Variants in EPHA6 observed in about 807,000 individuals in gnomAD.
The protein encoded by EPHA6 is ephrin type-A receptor 6.
Under a neutral mutation model 112.0 loss-of-function variants are expected in EPHA6, and 50 were observed. The ratio of observed to expected loss-of-function variants is 0.45; its 90% CI spans 0.36 to 0.56. The LOEUF (loss-of-function observed/expected upper bound fraction) is 0.56. Ranked by LOEUF, EPHA6 falls within the 20% of genes least tolerant of loss-of-function variation. The pLI, the probability that EPHA6 is intolerant of heterozygous loss-of-function variation, is 0.00. For missense variants in EPHA6, 1,280 were observed against 1,417.4 expected (o/e 0.90, Z 1.56); for synonymous variants, 529 against 490.7 (o/e 1.08, Z -1.03).
At chr3:96,888,942 C>A (rs1243868941) in intron 2 of EPHA6, among the ~76,000 whole-genome samples, 1 of 152,088 alleles carries the variant, frequency 6.6e-6, no homozygotes, top group Non-Finnish European at 1.5e-5. Flanking sequence ...TTAACAGCAC[C>A]CAAGTCACAT....
intron 5 of EPHA6, among the ~76,000 whole-genome samples, chr3:97,319,683 AAAAAC>A (rs1183014728): frequency 1.3e-5 from 2 of 150,946 alleles, no homozygotes; most frequent in Non-Finnish European, 2.9e-5. Flanking sequence ...AAAAAAAACA[AAAAAC>A]AAAAAAAAAA....
intron 15 of EPHA6, 57 bp from the exon 16 acceptor site, chr3:97,735,868 T>C: frequency 4.6e-6 from 6 of 1,301,288 alleles, no homozygotes; most frequent in Middle Eastern, 2.0e-4. Context: ...AAAGAAATTA[T>C]AGCATATGTA....
At chr3:97,724,979 C>CT (rs1212905364) in intron 15 of EPHA6, among the ~76,000 whole-genome samples, 1 of 151,968 alleles carries the variant, frequency 6.6e-6, no homozygotes, top group East Asian at 1.9e-4. Context: ...GCCAAGAAAG[C>CT]TTGCAGGCCC....
chr3:97,643,307 G>A (rs1324366717), intron 14 of EPHA6, among the ~76,000 whole-genome samples: 1 of 151,800 alleles, frequency 6.6e-6, no homozygotes. Flanking sequence ...AACATGGAAA[G>A]GAACAACCGG....
rs528993795 is a variant in EPHA6, at chr3:97,608,192, C to T, written c.2513-2601C>T. Among the ~76,000 whole-genome samples the T allele has an allele frequency of 4.2e-4, 63 of 151,198 alleles. 1 individual carries two copies. The highest frequency in any genetic ancestry group is 1.7e-3 in the South Asian group (8 of 4,808). On this transcript the variant is annotated intron_variant, in intron 12 of 17. Transcript: ENST00000389672. Reference sequence around the variant, plus strand: ...GTTCAAATGTGAAACTTCTAATTCACAGGAAACCAGGGAAGCCTTCATTTG... The same window carrying T: ...GTTCAAATGTGAAACTTCTAATTCATAGGAAACCAGGGAAGCCTTCATTTG...
intron 5 of EPHA6, among the ~76,000 whole-genome samples, chr3:97,350,483 G>A (rs1403331712): frequency 6.6e-6 from 1 of 151,922 alleles, no homozygotes; most frequent in Non-Finnish European, 1.5e-5. Flanking sequence ...GAATATTGTG[G>A]GAAGTCCACA....
At chr3:97,728,193 C>G (rs1171857467) in intron 15 of EPHA6, among the ~76,000 whole-genome samples, 4 of 151,636 alleles carry the variant, frequency 2.6e-5, no homozygotes, top group Non-Finnish European at 4.4e-5. Context: ...TTTAGTGGAG[C>G]CAGGAAATGT....
At chr3:97,652,919 A>G (rs890763758) in intron 14 of EPHA6, among the ~76,000 whole-genome samples, 1 of 152,036 alleles carries the variant, frequency 6.6e-6, no homozygotes, top group Non-Finnish European at 1.5e-5. Context: ...ATAGTAATCA[A>G]CAAATATGAA....
chr3:96,983,922 C>T (rs2042915615), intron 2 of EPHA6, among the ~76,000 whole-genome samples: 1 of 152,180 alleles, frequency 6.6e-6, no homozygotes. Context: ...TCAAGGACTT[C>T]TCTGCACTGG....
At chr3:97,671,691 C>T (rs1262807269) in intron 14 of EPHA6, among the ~76,000 whole-genome samples, 4 of 151,996 alleles carry the variant, frequency 2.6e-5, no homozygotes, top group African/African-American at 9.7e-5. Flanking sequence ...AAACCTGTGG[C>T]CTTGGATAGA....
intron 5 of EPHA6, among the ~76,000 whole-genome samples, chr3:97,248,403 G>A (rs941776995): frequency 2.6e-5 from 4 of 152,042 alleles, no homozygotes; most frequent in African/African-American, 9.7e-5. Context: ...ACGAAGGTGT[G>A]TAGTTCAGTA....
chr3:97,148,661 A>T (rs1336921480), intron 3 of EPHA6, among the ~76,000 whole-genome samples: 1 of 152,098 alleles, frequency 6.6e-6, no homozygotes, highest in Non-Finnish European at 1.5e-5. Context: ...TATATCTAAA[A>T]TGATTTTGCC....
chr3:97,030,224 G>T (rs2044777763), intron 3 of EPHA6, among the ~76,000 whole-genome samples: 2 of 152,050 alleles, frequency 1.3e-5, no homozygotes, highest in Non-Finnish European at 2.9e-5. Flanking sequence ...GTGCCAAGTT[G>T]CTGAAGCCTA....
intron 3 of EPHA6, among the ~76,000 whole-genome samples, chr3:97,060,279 A>C (rs920073909): frequency 6.6e-6 from 1 of 152,190 alleles, no homozygotes; most frequent in African/African-American, 2.4e-5. Flanking sequence ...TTAAATAATC[A>C]ATATGGTATA....
At chr3:97,403,004 T>G (rs2087092203) in intron 5 of EPHA6, among the ~76,000 whole-genome samples, 1 of 152,106 alleles carries the variant, frequency 6.6e-6, no homozygotes. Flanking sequence ...TAAGTAGATT[T>G]CTGAAAATAA....
intron 3 of EPHA6, among the ~76,000 whole-genome samples, chr3:97,068,574 T>C (rs1355125603): frequency 3.3e-5 from 5 of 151,902 alleles, no homozygotes; most frequent in African/African-American, 9.7e-5. Flanking sequence ...AAGAAATACT[T>C]CTTGACTGAA....
At position 96,970,348 on chromosome 3, in the gene EPHA6, A is replaced by G. The variant is rs879837010; in HGVS notation, c.451-16982A>G. 4.0e-5 allele frequency among the ~76,000 whole-genome samples: 6 copies of G among 151,882 alleles called. No homozygotes were observed. In the East Asian group the frequency reaches 9.7e-4, roughly 25 times the overall value. The stretch of plus-strand genomic sequence containing the variant: ...ACCTGAGTTTTCATCCTAACTTATA[A>G]TTGTGTGCACTAGCATGATGTCCAG... On this transcript the variant is annotated intron_variant, in intron 2 of 17. Transcript: ENST00000389672.
chr3:97,283,491 G>A (rs907866805), intron 5 of EPHA6, among the ~76,000 whole-genome samples: 10 of 152,100 alleles, frequency 6.6e-5, no homozygotes, highest in Admixed American at 4.6e-4. Flanking sequence ...TAGATATGGT[G>A]ATTATAATAT....
chr3:96,852,867 T>C (rs2107380953), intron 1 of EPHA6, among the ~76,000 whole-genome samples: 1 of 152,262 alleles, frequency 6.6e-6, no homozygotes, highest in East Asian at 1.9e-4. Context: ...AGTTGCTTTA[T>C]ACATTTTCTT....
Sources: allele counts gnomAD v4.1 joint callset (sites outside exome capture counted in the v4.1 genomes callset), GRCh38; gene constraint gnomAD v4.1.1; transcripts MANE v1.5; gene names NCBI Gene and HGNC (gene_info 2026-07-23, HGNC 2026-07-21).